CDH13: variants seen among roughly 807,000 people sequenced by gnomAD.
CDH13 encodes the protein cadherin 13.
Under a neutral mutation model 63.8 loss-of-function variants are expected in CDH13, and 24 were observed. The ratio of observed to expected loss-of-function variants is 0.38; its 90% CI spans 0.27 to 0.53. The LOEUF is 0.53. CDH13 is among the 20% of genes least tolerant of loss of function. The probability of loss-of-function intolerance (pLI) is 0.85; values close to 1 mark genes in which losing one functional copy is unlikely to be tolerated. For synonymous variants in CDH13, 503 were observed against 355.3 expected (o/e 1.42, Z -4.67); for missense variants, 1,049 against 903.1 (o/e 1.16, Z -2.07).
intron 6 of CDH13, among the ~76,000 whole-genome samples, chr16:83,403,392 G>C (rs1284882262): frequency 6.6e-6 from 1 of 152,130 alleles, no homozygotes; most frequent in East Asian, 1.9e-4. Flanking sequence ...GGGAGGCCGA[G>C]GCGGGTGGAT....
At chr16:83,537,673 T>C (rs1363353761) in intron 7 of CDH13, among the ~76,000 whole-genome samples, 5 of 152,126 alleles carry the variant, frequency 3.3e-5, no homozygotes, top group African/African-American at 4.8e-5. Context: ...AAAGAATAGC[T>C]ACATATAGTT....
intron 7 of CDH13, among the ~76,000 whole-genome samples, chr16:83,528,600 ATATT>A (rs1392261813): frequency 6.6e-6 from 1 of 152,166 alleles, no homozygotes; most frequent in Non-Finnish European, 1.5e-5. Flanking sequence ...TCTACTATAA[ATATT>A]AGATCATCTG....
rs566787243 is a variant in CDH13 at position 82,999,279 on chromosome 16, C to G, written c.158-32731C>G. 4.3e-4 allele frequency among the ~76,000 whole-genome samples: 66 copies of G among 152,258 alleles called. 1 individual carries two copies. In the South Asian group the frequency reaches 0.013, roughly 30 times the overall value. On this transcript the variant is annotated intron_variant, in intron 2 of 13. Transcript: ENST00000567109. ...CCCCCCTCCTTTGTCAGTCCCAAAG[C>G]TCCTATGGCTCAACTGTTGGTGCAC...
intron 6 of CDH13, among the ~76,000 whole-genome samples, chr16:83,381,382 T>A (rs970287989): frequency 6.6e-6 from 1 of 152,028 alleles, no homozygotes; most frequent in African/African-American, 2.4e-5. Flanking sequence ...CATTAAGAGT[T>A]CCAAACCTCT....
At chr16:83,297,078 A>C (rs1439084573) in intron 5 of CDH13, among the ~76,000 whole-genome samples, 1 of 152,170 alleles carries the variant, frequency 6.6e-6, no homozygotes, top group African/African-American at 2.4e-5. Flanking sequence ...TTTAATAAGC[A>C]TGGGGGGAGA....
At chr16:83,200,097 G>A (rs760319256) in intron 4 of CDH13, among the ~76,000 whole-genome samples, 4 of 152,112 alleles carry the variant, frequency 2.6e-5, no homozygotes, top group Non-Finnish European at 2.9e-5. Flanking sequence ...GTGCTGATAC[G>A]CTTGTTCAGG....
intron 2 of CDH13, among the ~76,000 whole-genome samples, chr16:82,999,634 T>C (rs1912645021): frequency 6.6e-6 from 1 of 152,204 alleles, no homozygotes; most frequent in South Asian, 2.1e-4. Context: ...TATCATTGGC[T>C]ACATAAAATT....
At chr16:82,912,158 G>C (rs1484557715) in intron 2 of CDH13, among the ~76,000 whole-genome samples, 1 of 151,902 alleles carries the variant, frequency 6.6e-6, no homozygotes, top group South Asian at 2.1e-4. Context: ...TTAATCTCCA[G>C]CCCACTCCTC....
At chr16:82,969,027 A>C (rs1346301063) in intron 2 of CDH13, among the ~76,000 whole-genome samples, 1 of 152,310 alleles carries the variant, frequency 6.6e-6, no homozygotes, top group East Asian at 1.9e-4. Flanking sequence ...GAATCGCTTG[A>C]ACCCTGGAGG....
chr16:83,596,584 G>A (rs1475729062), intron 7 of CDH13, among the ~76,000 whole-genome samples: 2 of 152,160 alleles, frequency 1.3e-5, no homozygotes, highest in African/African-American at 4.8e-5. Flanking sequence ...AGAGTGGCCA[G>A]CGAGGGATAC....
intron 2 of CDH13, among the ~76,000 whole-genome samples, chr16:82,936,156 T>C (rs1422119953): frequency 2.0e-5 from 3 of 152,208 alleles, no homozygotes; most frequent in Non-Finnish European, 2.9e-5. Context: ...TGAACATGTC[T>C]AGTCCTTAGT....
chr16:82,831,459 TA>T (rs2038537227), intron 1 of CDH13, among the ~76,000 whole-genome samples: 2 of 152,150 alleles, frequency 1.3e-5, no homozygotes, highest in Non-Finnish European at 2.9e-5. Context: ...TATTGCTTAA[TA>T]AATGCAGTTT....
chr16:83,522,577 T>C (rs989050684), intron 7 of CDH13, among the ~76,000 whole-genome samples: 9 of 152,154 alleles, frequency 5.9e-5, no homozygotes, highest in Admixed American at 5.9e-4. Flanking sequence ...CCAATAAATG[T>C]CTAGTTTTAT....
intron 1 of CDH13, among the ~76,000 whole-genome samples, chr16:82,798,826 G>T (rs13333187): frequency 0.011 from 1,730 of 152,200 alleles, 34 homozygotes; most frequent in African/African-American, 0.039. Flanking sequence ...ATATTTGCAG[G>T]TTCTGGGTTC....
At chr16:83,704,370 A>T (rs13380526) in intron 10 of CDH13, among the ~76,000 whole-genome samples, 2 of 152,124 alleles carry the variant, frequency 1.3e-5, no homozygotes, top group African/African-American at 2.4e-5. Flanking sequence ...GAACACCGAG[A>T]TGGTTCTCCA....
intron 3 of CDH13, among the ~76,000 whole-genome samples, chr16:83,101,120 C>G (rs78579786): frequency 0.044 from 6,713 of 151,870 alleles, 190 homozygotes; most frequent in South Asian, 0.08. Flanking sequence ...GGAAAACTGA[C>G]AAAAATCCCT....
chr16:82,742,968 T>C (rs1470648861), intron 1 of CDH13, among the ~76,000 whole-genome samples: 3 of 152,234 alleles, frequency 2.0e-5, no homozygotes, highest in Non-Finnish European at 4.4e-5. Context: ...AATTACTAAT[T>C]ACATATTTAG....
chr16:82,739,217 A>G (rs2033821888), intron 1 of CDH13, among the ~76,000 whole-genome samples: 1 of 141,634 alleles, frequency 7.1e-6, no homozygotes, highest in South Asian at 2.2e-4. Context: ...TTTTTTAGTA[A>G]TTACATAAAT....
intron 6 of CDH13, among the ~76,000 whole-genome samples, chr16:83,390,099 G>A (rs1199950839): frequency 6.6e-6 from 1 of 152,184 alleles, no homozygotes; most frequent in Non-Finnish European, 1.5e-5. Flanking sequence ...CCTGGGCCAT[G>A]TGTAAATCAG....
Sources: allele counts gnomAD v4.1 joint callset (sites outside exome capture counted in the v4.1 genomes callset), GRCh38; gene constraint gnomAD v4.1.1; transcripts MANE v1.5; gene names NCBI Gene and HGNC (gene_info 2026-07-23, HGNC 2026-07-21).